TMEM63C: variants seen among roughly 807,000 people sequenced by gnomAD.
TMEM63C encodes the protein transmembrane protein 63C, also known as osmosensitive cation channel TMEM63C.
A neutral mutation model predicts 99.2 loss-of-function variants in TMEM63C; 32 were observed. The observed-to-expected ratio is 0.32, with a 90% confidence interval of 0.24 to 0.43. TMEM63C has a LOEUF of 0.43. Ranked by LOEUF, TMEM63C falls within the 20% of genes least tolerant of loss-of-function variation. The pLI is 1.00. For synonymous variants in TMEM63C, 376 were observed against 397.9 expected, an observed-to-expected ratio of 0.94 and a Z score of 0.66; for missense variants, 826 against 1,053.0, an observed-to-expected ratio of 0.78 and a Z score of 2.98.
At chr14:77,204,708 A>C (rs1214743699) in intron 1 of TMEM63C, among the ~76,000 whole-genome samples, 1 of 152,232 alleles carries the variant, frequency 6.6e-6, no homozygotes, top group African/African-American at 2.4e-5. Flanking sequence ...AATTATACTT[A>C]ACTTTATTGA....
chr14:77,186,643 A>C (rs1004717581), intron 1 of TMEM63C, among the ~76,000 whole-genome samples: 13 of 152,184 alleles, frequency 8.5e-5, no homozygotes, highest in African/African-American at 3.1e-4. Flanking sequence ...GTGAGCTGTG[A>C]TTGCACCACT....
Position 77,240,561 on chromosome 14 carries a change from G to T in TMEM63C, c.1017G>T (p.Arg339=), listed in dbSNP as rs775375739. 2 of 1,611,672 alleles carry T rather than the reference G, an allele frequency of 1.2e-6. No individual in the cohort carries two copies. The highest frequency in any genetic ancestry group is 2.2e-5 in the East Asian group (1 of 44,890). The change falls in exon 13 of 24, where the codon CGG becomes CGT. Residue 339 remains arginine (R), a synonymous_variant. Coordinates refer to ENST00000298351, the MANE Select transcript of TMEM63C (RefSeq NM_020431.4). ...AGCTCAACCGCGTGCCGCTCAAGCG[G>T]CTGGACCTGATCTTTGTCACCTTCC... The part of the protein sequence containing the change: ...NAELNRVPLK[R]LDLIFVTFQD...
chr14:77,227,480 G>C (rs1016591766), intron 6 of TMEM63C, among the ~76,000 whole-genome samples: 1 of 152,234 alleles, frequency 6.6e-6, no homozygotes, highest in Non-Finnish European at 1.5e-5. Context: ...GCTGACAAAG[G>C]AGCTGTTGAA....
intron 6 of TMEM63C, among the ~76,000 whole-genome samples, chr14:77,225,820 T>C (rs1888810496): frequency 6.6e-6 from 1 of 152,008 alleles, no homozygotes; most frequent in South Asian, 2.1e-4. Context: ...ATTCAACATA[T>C]CATGTGTTCG....
rs1056476058 is a variant in TMEM63C, at chr14:77,257,661, C to G, written c.*935C>G. 6.6e-6 allele frequency: 1 copy of G among 152,318 alleles called. No individual in the cohort carries two copies. The highest frequency in any genetic ancestry group is 1.5e-5 in the Non-Finnish European group (1 of 68,120). 9.4% of individuals were successfully genotyped at this position (152,318 alleles called of 1,614,324 possible). The stretch of plus-strand genomic sequence containing the variant: ...AAGATGTGGCCACTTAAAAGCGTCT[C>G]CTGCCTCCTACCCAACTGAGTGCCT... On this transcript the variant is annotated 3_prime_UTR_variant, in exon 24 of 24. Transcript: ENST00000298351.
chr14:77,252,096 G>A (rs915204403), intron 22 of TMEM63C, among the ~76,000 whole-genome samples, 198 bp downstream of exon 22: 16 of 150,758 alleles, frequency 1.1e-4, no homozygotes, highest in African/African-American at 1.7e-4. Flanking sequence ...TGCATGCCTT[G>A]CACTAGCTTA....
rs570558233 is a variant in TMEM63C, at chr14:77,253,507, G to C, written c.2220+131G>C. On this transcript the variant is annotated intron_variant, in intron 23 of 23. Coordinates refer to ENST00000298351, the MANE Select transcript of TMEM63C (RefSeq NM_020431.4). ...GGGGAAGGAGATGGGGGACCCCTGG[G>C]CTCCCTCCTCTAATGGAGCAGGACT... 3.3e-4 allele frequency: 272 copies of C among 834,776 alleles called. 3 individuals carry two copies. In the South Asian group the frequency reaches 4.0e-3, roughly 12 times the overall value. The allele number at this position is 834,776 out of a possible 1,614,324, so 51.7% of individuals were successfully genotyped here. A position where few individuals can be genotyped will look rare whatever the true frequency, so the allele number is the denominator to read the frequency against.
intron 6 of TMEM63C, among the ~76,000 whole-genome samples, chr14:77,230,705 T>G (rs394111): frequency 0.16 from 24,575 of 151,998 alleles, 2,267 homozygotes; most frequent in Non-Finnish European, 0.21. Flanking sequence ...TAGAACAGTT[T>G]CATCCCAAAA....
At chr14:77,238,598 A>G in intron 9 of TMEM63C, 96 bp from the exon 10 acceptor site, 1 of 957,822 alleles carries the variant, frequency 1.0e-6, no homozygotes, top group Non-Finnish European at 1.6e-6. Context: ...GCCTGCTGTG[A>G]GCAGAAGGCC....
At chr14:77,253,169 G>T in intron 22 of TMEM63C, 136 bp from the exon 23 acceptor site, 1 of 763,476 alleles carries the variant, frequency 1.3e-6, no homozygotes, top group Non-Finnish European at 2.3e-6. Context: ...TTGCCAGGCT[G>T]AAGGTCTGGA....
At chr14:77,234,395 A>G (rs1412030199) in intron 8 of TMEM63C, among the ~76,000 whole-genome samples, 1 of 152,256 alleles carries the variant, frequency 6.6e-6, no homozygotes, top group African/African-American at 2.4e-5. Context: ...GATGCCAACC[A>G]GAGCAGGGAT....
intron 13 of TMEM63C, among the ~76,000 whole-genome samples, chr14:77,241,235 G>A (rs1180438430): frequency 6.6e-6 from 1 of 152,164 alleles, no homozygotes; most frequent in East Asian, 1.9e-4. Flanking sequence ...ACAGGTGTGA[G>A]CCACTGCGCC....
At chr14:77,187,821 T>G (rs2140087709) in intron 1 of TMEM63C, among the ~76,000 whole-genome samples, 1 of 152,358 alleles carries the variant, frequency 6.6e-6, no homozygotes, top group Non-Finnish European at 1.5e-5. Context: ...GAGTTACCTT[T>G]GAACCCAGCT....
rs1275376591 is a variant in TMEM63C, at chr14:77,243,127, T to C, written c.1341+71T>C. 6.4e-6 allele frequency: 10 copies of C among 1,565,724 alleles called. No individual in the cohort carries two copies. The East Asian group carries it at 6.8e-5, about 11-fold the overall frequency. On this transcript the variant is annotated intron_variant, in intron 15 of 23. Transcript: ENST00000298351. ...AGGAATAATTCAGGCGAGGATGGGA[T>C]GGGGGGAGCCCCCTGGGAGGGGGCT...
rs1325869098 is a variant in TMEM63C at position 77,245,969 on chromosome 14, A to G, written c.1478A>G (p.Lys493Arg). Reference protein sequence around the residue: ...RSSQNLVMVHKCYIFLVFMVV... With the variant: ...RSSQNLVMVHRCYIFLVFMVV... ...AGTCAGAATCTGGTCATGGTGCACA[A>G]GTGCTACATCTTTCTGGTGTTCATG... Residue 493 changes from lysine to arginine, a missense_variant, in exon 17 of 24, where the codon AAG (lysine) becomes AGG (arginine). Transcript: ENST00000298351. 6.2e-7 allele frequency: 1 copy of G among 1,613,998 alleles called. No homozygotes were observed. The highest frequency in any genetic ancestry group is 8.5e-7 in the Non-Finnish European group (1 of 1,179,868).
intron 16 of TMEM63C, among the ~76,000 whole-genome samples, chr14:77,245,144 AACAAG>A: frequency 6.6e-6 from 1 of 152,384 alleles, no homozygotes; most frequent in East Asian, 1.9e-4. Context: ...TCTGGCCAAG[AACAAG>A]ACTTATATTG....
chr14:77,233,358 C>T, intron 7 of TMEM63C, 94 bp from the exon 8 acceptor site: 1 of 1,333,120 alleles, frequency 7.5e-7, no homozygotes, highest in Non-Finnish European at 1.1e-6. Context: ...GCAAGCATCT[C>T]CAGACCCCAC....
chr14:77,216,687 C>T (rs557205759), intron 2 of TMEM63C, among the ~76,000 whole-genome samples: 1 of 152,310 alleles, frequency 6.6e-6, no homozygotes, highest in East Asian at 1.9e-4. Flanking sequence ...CTTTCACATC[C>T]CCTATCTAAT....
intron 9 of TMEM63C, among the ~76,000 whole-genome samples, chr14:77,237,756 C>CG (rs58560673): frequency 6.6e-6 from 1 of 152,038 alleles, no homozygotes; most frequent in Non-Finnish European, 1.5e-5. Flanking sequence ...AGATGACTGA[C>CG]GGGGGGCCAC....
Sources: gnomAD v4.1 joint callset for allele counts (sites outside exome capture counted in the v4.1 genomes callset) on GRCh38, gnomAD v4.1.1 for gene constraint, MANE v1.5 for transcripts, NCBI Gene and HGNC (gene_info 2026-07-23, HGNC 2026-07-21) for gene names.